The following HARS2 variants were observed in gnomAD, a reference collection of about 807,000 sequenced individuals.
HARS2 encodes the protein histidine--tRNA ligase, mitochondrial.
In HARS2, 40 loss-of-function variants were observed where a neutral mutation model predicts 62.4. The observed-to-expected ratio is 0.64, with a 90% confidence interval of 0.50 to 0.83. The LOEUF is 0.83. Ranked by LOEUF, HARS2 falls within the 40% of genes least tolerant of loss-of-function variation. HARS2 has a pLI of 0.00. For missense variants in HARS2, 569 were observed against 626.4 expected (o/e 0.91, Z 0.98); for synonymous variants, 228 against 227.0 (o/e 1.00, Z -0.04).
chr5:140,693,545 G>A, intron 1 of HARS2, 46 bp from the exon 2 acceptor site: 1 of 1,614,028 alleles, frequency 6.2e-7, no homozygotes, highest in Non-Finnish European at 8.5e-7. Flanking sequence ...CCACAGGTCT[G>A]GCCAGTGTCC....
Position 140,691,567 on chromosome 5 carries a change from C to T in HARS2, c.-82C>T. On this transcript the variant is annotated 5_prime_UTR_variant, in exon 1 of 13. Transcript: ENST00000230771. ...GTGCGCGGGTTCCGCCTTTGCAGTG[C>T]CCTCCACCCTTCCTGGTGTCTGACC... is the stretch of plus-strand genomic sequence containing the variant. The T allele has an allele frequency of 1.1e-6, 1 of 936,274 alleles. No homozygotes were observed. Among genetic ancestry groups the T allele is most frequent in the African/African-American group, 1.6e-5 (1 of 61,620 alleles). The allele number at this position is 936,274 out of a possible 1,614,324, so 58.0% of individuals were successfully genotyped here.
At position 140,691,617 on chromosome 5, in the gene HARS2, C is replaced by T. The variant is rs770867940; in HGVS notation, c.-32C>T. ...CCGCCTCCTTCCCAGGCCTTTTGTT[C>T]CTGTCCCGGAAAGCCGGCGTCCTGC... On this transcript the variant is annotated 5_prime_UTR_variant, in exon 1 of 13. Coordinates refer to ENST00000230771, the MANE Select transcript of HARS2 (RefSeq NM_012208.4). 44 of 1,411,148 alleles carry T rather than the reference C, an allele frequency of 3.1e-5. No individual in the cohort carries two copies. In the South Asian group the frequency reaches 5.2e-4, roughly 17 times the overall value. The allele number at this position is 1,411,148 out of a possible 1,614,324, so 87.4% of individuals were successfully genotyped here.
Position 140,697,401 on chromosome 5 carries a change from A to G in HARS2, c.1192A>G (p.Met398Val), listed in dbSNP as rs1278229014. ...AATCTTCTACATTGTGGAGCAGAGG[A>G]TGAAGGTAGGTCCTAGATAGGTGTG... is the stretch of plus-strand genomic sequence containing the variant. Reference protein sequence around the residue: ...ERIFYIVEQRMKTKGEKVRTT... With the variant: ...ERIFYIVEQRVKTKGEKVRTT... The change falls in exon 10 of 13, where the codon ATG becomes GTG. Residue 398 changes from methionine to valine, a missense_variant. Met to Val is a conservative substitution (Grantham distance 21, BLOSUM62 1). Transcript: ENST00000230771. The G allele has an allele frequency of 2.5e-6, 4 of 1,613,758 alleles. No homozygotes were observed. The African/African-American group carries it at 5.3e-5, about 22-fold the overall frequency.
chr5:140,691,712 C>T lies in HARS2; in HGVS notation c.64C>T (p.Pro22Ser). 1 of 1,552,880 alleles carries T rather than the reference C, an allele frequency of 6.4e-7. No individual in the cohort carries two copies. The highest frequency in any genetic ancestry group is 8.7e-7 in the Non-Finnish European group (1 of 1,147,970). ...WASLLSQLLR[P>S]PCASCTGAVR... ...TTCGCTGCTCAGCCAGCTCCTGCGACCGCCCTGCGCTTCGTGCACCGGGGC... is the reference window on the plus strand; with the variant it reads ...TTCGCTGCTCAGCCAGCTCCTGCGATCGCCCTGCGCTTCGTGCACCGGGGC... Residue 22 changes from proline (P) to serine (S), a missense_variant, in exon 1 of 13, where the codon CCG (proline) becomes TCG (serine). Coordinates refer to ENST00000230771, the MANE Select transcript of HARS2 (RefSeq NM_012208.4).
chr5:140,698,031 C>T lies in HARS2; in HGVS notation c.1414C>T (p.Leu472=). 1 of 1,614,114 alleles carries T rather than the reference C, an allele frequency of 6.2e-7. No individual in the cohort carries two copies. The highest frequency in any genetic ancestry group is 8.5e-7 in the Non-Finnish European group (1 of 1,180,006). Residue 472 remains leucine (L), a synonymous_variant, in exon 12 of 13, where the codon CTG becomes TTG. Transcript: ENST00000230771. The part of the protein sequence containing the change: ...PLVVIIGEQE[L]KEGVIKIRSV... ...GGTGGTCATTATTGGTGAGCAAGAA[C>T]TGAAAGAAGGGGTCATCAAGATCCG... is the stretch of plus-strand genomic sequence containing the variant.
At chr5:140,693,142 GCCA>G (rs1322595621) in intron 1 of HARS2, among the ~76,000 whole-genome samples, 2 of 151,594 alleles carry the variant, frequency 1.3e-5, no homozygotes, top group African/African-American at 2.4e-5. Flanking sequence ...GAGCAGCCTG[GCCA>G]ACATGGTGAA....
chr5:140,694,066 A>G lies in HARS2; in HGVS notation c.303+12A>G, dbSNP rs759280022. 6.2e-7 allele frequency: 1 copy of G among 1,614,204 alleles called. No individual in the cohort carries two copies. Among genetic ancestry groups the G allele is most frequent in the Admixed American group, 1.7e-5 (1 of 60,030 alleles). On this transcript the variant is annotated intron_variant, in intron 3 of 12. Transcript: ENST00000230771. ...CATTTGAGCTGAAGGTAAGGGGAGA[A>G]GAAAGAGTACGTGCAACCTCACTCA... is the stretch of plus-strand genomic sequence containing the variant.
chr5:140,697,997 C>A lies in HARS2; in HGVS notation c.1380C>A (p.Gly460=). 3 of 1,613,698 alleles carry A rather than the reference C, an allele frequency of 1.9e-6. No homozygotes were observed. Among genetic ancestry groups the A allele is most frequent in the Non-Finnish European group, 1.7e-6 (2 of 1,179,578 alleles). ...LTQLHYCEST[G]IPLVVIIGEQ... ...AGCTGCACTATTGTGAGAGCACAGG[C>A]ATTCCACTGGTGGTCATTATTGGTG... is the stretch of plus-strand genomic sequence containing the variant. The change falls in exon 12 of 13, where the codon GGC becomes GGA. Residue 460 remains glycine, a synonymous_variant. Coordinates refer to ENST00000230771, the MANE Select transcript of HARS2 (RefSeq NM_012208.4).
rs1319673550 is a variant in HARS2 at position 140,697,998 on chromosome 5, A to G, written c.1381A>G (p.Ile461Val). 1.2e-6 allele frequency: 2 copies of G among 1,614,050 alleles called. No homozygotes were observed. Among genetic ancestry groups the G allele is most frequent in the East Asian group, 2.2e-5 (1 of 44,884 alleles). The change falls in exon 12 of 13, where the codon ATT becomes GTT. Residue 461 changes from isoleucine to valine, a missense_variant. Physicochemically the swap from Ile to Val is conservative, Grantham distance 29. Transcript: ENST00000230771. ...GCTGCACTATTGTGAGAGCACAGGC[A>G]TTCCACTGGTGGTCATTATTGGTGA... Reference protein sequence around the residue: ...TQLHYCESTGIPLVVIIGEQE... With the variant: ...TQLHYCESTGVPLVVIIGEQE...
chr5:140,696,908 T>C lies in HARS2; in HGVS notation c.827-35T>C, dbSNP rs541353945. 1.2e-5 allele frequency: 19 copies of C among 1,596,382 alleles called. No individual in the cohort carries two copies. In the East Asian group the frequency reaches 2.7e-4, roughly 23 times the overall value. On this transcript the variant is annotated intron_variant, in intron 8 of 12. Coordinates refer to ENST00000230771, the MANE Select transcript of HARS2 (RefSeq NM_012208.4). ...TAGGGATAATTTTGAATGAAACACATGTGAGTGAACAGCAGAGACTTTATT... is the reference window on the plus strand; with the variant it reads ...TAGGGATAATTTTGAATGAAACACACGTGAGTGAACAGCAGAGACTTTATT...
chr5:140,692,358 C>T (rs547105123), intron 1 of HARS2: 1 of 155,792 alleles, frequency 6.4e-6, no homozygotes, highest in East Asian at 1.9e-4. Flanking sequence ...TTTTGCCTTA[C>T]TTCGGAAAGA....
Position 140,697,957 on chromosome 5 carries a change from C to A in HARS2, c.1340C>A (p.Pro447His). 2 of 1,613,884 alleles carry A rather than the reference C, an allele frequency of 1.2e-6. No homozygotes were observed. The highest frequency in any genetic ancestry group is 1.3e-5 in the African/African-American group (1 of 74,978). ...GCAGAGATGCTATACAAGAACAACC[C>A]CAAACTATTAACCCAGCTGCACTAT... Reference protein sequence around the residue: ...IKAEMLYKNNPKLLTQLHYCE... With the variant: ...IKAEMLYKNNHKLLTQLHYCE... The change falls in exon 12 of 13, where the codon CCC becomes CAC. Residue 447 changes from proline to histidine, a missense_variant. Pro to His is a moderately conservative substitution (Grantham distance 77, BLOSUM62 -2). Transcript: ENST00000230771.
Position 140,695,652 on chromosome 5 carries a change from G to C in HARS2, c.525+19G>C. ...CCAGTGTGTAAGTGACCTGATGGGA[G>C]CAGCACAGTTTGATAGTTCTAGGGG... On this transcript the variant is annotated intron_variant, in intron 5 of 12. Transcript: ENST00000230771. 1 of 1,614,214 alleles carries C rather than the reference G, an allele frequency of 6.2e-7. No homozygotes were observed. The highest frequency in any genetic ancestry group is 8.5e-7 in the Non-Finnish European group (1 of 1,180,018).
chr5:140,698,195 GAACA>G (rs1406181057), intron 12 of HARS2, 117 bp downstream of exon 12: 6 of 1,031,432 alleles, frequency 5.8e-6, no homozygotes, highest in Non-Finnish European at 8.8e-6. Flanking sequence ...TGGTAGAGAT[GAACA>G]AACACTCACT....
In HARS2 at chr5:140,694,240, A is replaced by G. The variant is rs745511545; in HGVS notation, c.359A>G (p.Asp120Gly). Reference protein sequence around the residue: ...EDSGLMYDLKDQGGELLSLRY... With the variant: ...EDSGLMYDLKGQGGELLSLRY... The stretch of plus-strand genomic sequence containing the variant: ...TCTGGGCTCATGTATGATCTGAAGG[A>G]TCAAGGTGGAGAGCTGTTGTCCCTC... The change falls in exon 4 of 13, where the codon GAT (aspartate) becomes GGT (glycine). Residue 120 changes from aspartate to glycine, a missense_variant. Physicochemically the swap from Asp to Gly is moderately conservative, Grantham distance 94. Transcript: ENST00000230771. 1.7e-5 allele frequency: 28 copies of G among 1,613,742 alleles called. No individual in the cohort carries two copies. The South Asian group carries it at 2.4e-4, about 14-fold the overall frequency.
At position 140,695,584 on chromosome 5, in the gene HARS2, G is replaced by A. The variant is rs1455541795; in HGVS notation, c.476G>A (p.Arg159Gln). The change falls in exon 5 of 13, where the codon CGA becomes CAA. Residue 159 changes from arginine (R) to glutamine (Q), a missense_variant. Transcript: ENST00000230771. ...TATCATGTTGGAAAGGTGTGGCGGC[G>A]AGAGAGCCCAACCATAGTCCAAGGC... ...KRYHVGKVWR[R>Q]ESPTIVQGRY... 5 of 1,614,090 alleles carry A rather than the reference G, an allele frequency of 3.1e-6. No individual in the cohort carries two copies. The highest frequency in any genetic ancestry group is 1.3e-5 in the African/African-American group (1 of 74,924).
intron 9 of HARS2, 33 bp from the exon 10 acceptor site, chr5:140,697,131 A>T (rs1759777089): frequency 6.2e-7 from 1 of 1,614,044 alleles, no homozygotes; most frequent in Non-Finnish European, 8.5e-7. Flanking sequence ...TCCCGAGTCT[A>T]GTTTGGGACT....
chr5:140,696,291 G>T, intron 7 of HARS2, 90 bp downstream of exon 7: 1 of 1,025,276 alleles, frequency 9.8e-7, no homozygotes, highest in South Asian at 1.3e-5. Flanking sequence ...GGAGATTGTG[G>T]CTGGAAGTGG....
intron 1 of HARS2, chr5:140,692,361 C>G (rs1227530589): frequency 1.3e-5 from 2 of 155,324 alleles, no homozygotes; most frequent in African/African-American, 4.8e-5. Context: ...TGCCTTACTT[C>G]GGAAAGATTC....
Sources: allele counts gnomAD v4.1 joint callset (sites outside exome capture counted in the v4.1 genomes callset), GRCh38; gene constraint gnomAD v4.1.1; transcripts MANE v1.5; gene names NCBI Gene and HGNC (gene_info 2026-07-23, HGNC 2026-07-21).